PPFIBP1: variants seen among roughly 807,000 people sequenced by gnomAD.
PPFIBP1 encodes the protein PPFIB scaffold protein 1.
In PPFIBP1, 112 loss-of-function variants were observed where a neutral mutation model predicts 137.8. The ratio of observed to expected loss-of-function variants is 0.81; its 90% CI spans 0.70 to 0.95. The LOEUF (loss-of-function observed/expected upper bound fraction) is 0.95. PPFIBP1 is among the 40% of genes least tolerant of loss of function. The pLI, the probability that PPFIBP1 is intolerant of heterozygous loss-of-function variation, is 0.00. For synonymous variants in PPFIBP1, 378 were observed against 417.3 expected (o/e 0.91, Z 1.15); for missense variants, 1,083 against 1,196.6 (o/e 0.91, Z 1.40).
intron 16 of PPFIBP1, 103 bp downstream of exon 16, chr12:27,673,930 G>T: frequency 9.6e-7 from 1 of 1,044,408 alleles, no homozygotes; most frequent in Non-Finnish European, 1.4e-6. Flanking sequence ...CTTATGAAGA[G>T]CTTGTGGTTT....
chr12:27,685,934 A>T (rs1296426925), intron 24 of PPFIBP1, among the ~76,000 whole-genome samples: 1 of 152,234 alleles, frequency 6.6e-6, no homozygotes, highest in Non-Finnish European at 1.5e-5. Flanking sequence ...TTTTGATATA[A>T]AATAAAACTT....
chr12:27,685,217 G>A (rs1430794083), intron 24 of PPFIBP1, among the ~76,000 whole-genome samples: 2 of 149,824 alleles, frequency 1.3e-5, no homozygotes, highest in Non-Finnish European at 3.0e-5. Context: ...CATAGAGTAT[G>A]TATATATATA....
chr12:27,691,595 A>T (rs191655219), intron 27 of PPFIBP1, among the ~76,000 whole-genome samples, 154 bp from the exon 28 acceptor site: 5 of 152,304 alleles, frequency 3.3e-5, no homozygotes, highest in African/African-American at 9.6e-5. Context: ...ATATTTAAAC[A>T]TCCAGCTACT....
chr12:27,679,725 C>G, intron 20 of PPFIBP1, 86 bp downstream of exon 20: 2 of 1,461,022 alleles, frequency 1.4e-6, no homozygotes, highest in South Asian at 1.3e-5. Flanking sequence ...CTTTGTAAGG[C>G]CTTTGTATTC....
intron 24 of PPFIBP1, among the ~76,000 whole-genome samples, chr12:27,684,881 C>T (rs761881725): frequency 2.5e-4 from 38 of 152,086 alleles, no homozygotes; most frequent in South Asian, 2.1e-4. Flanking sequence ...TAACATCTTA[C>T]GTAATCATGA....
chr12:27,610,288 A>G (rs1408365179), intron 2 of PPFIBP1, among the ~76,000 whole-genome samples: 1 of 152,220 alleles, frequency 6.6e-6, no homozygotes, highest in African/African-American at 2.4e-5. Flanking sequence ...ATGAGGCTGT[A>G]AAAGTTGTTC....
In PPFIBP1 at chr12:27,679,686, G is replaced by C. The variant is rs201629950; in HGVS notation, c.1766+47G>C. ...TGGAATGGGCCCTGTCTTACATGTT[G>C]CTTAAAAGTGGCTGGACATGGGTAT... On this transcript the variant is annotated intron_variant, in intron 20 of 29. Transcript: ENST00000228425. 172 of 1,587,608 alleles carry C rather than the reference G, an allele frequency of 1.1e-4. No homozygotes were observed. The Admixed American group carries it at 2.9e-3, about 27-fold the overall frequency.
chr12:27,648,526 A>G (rs1415110819), intron 6 of PPFIBP1, among the ~76,000 whole-genome samples: 1 of 152,260 alleles, frequency 6.6e-6, no homozygotes, highest in East Asian at 1.9e-4. Context: ...GGAAATCAGT[A>G]TATCGAAGAA....
intron 2 of PPFIBP1, among the ~76,000 whole-genome samples, chr12:27,629,454 G>A (rs7978311): frequency 2.0e-5 from 3 of 152,056 alleles, no homozygotes; most frequent in Admixed American, 1.3e-4. Flanking sequence ...ACCTTCTATC[G>A]TAGGTTACCT....
chr12:27,635,903 A>G (rs1026968072), intron 4 of PPFIBP1: 4 of 152,224 alleles, frequency 2.6e-5, no homozygotes, highest in Non-Finnish European at 5.9e-5. Context: ...TGTCACAAAA[A>G]CAGATTCAGT....
At position 27,589,697 on chromosome 12, in the gene PPFIBP1, C is replaced by T. The variant is rs1290111861; in HGVS notation, c.-36+11458C>T. Among the ~76,000 whole-genome samples the T allele has an allele frequency of 3.9e-5, 6 of 152,162 alleles. No homozygotes were observed. In the East Asian group the frequency reaches 9.6e-4, roughly 24 times the overall value. On this transcript the variant is annotated intron_variant, in intron 2 of 29. Transcript: ENST00000228425. ...TTACTAAAGAACAGTGCATCTTATTCAGTGTAGACAGTCTTCTAAAGTATT... is the reference window on the plus strand; with the variant it reads ...TTACTAAAGAACAGTGCATCTTATTTAGTGTAGACAGTCTTCTAAAGTATT...
At chr12:27,525,210 C>A (rs1425007588) in intron 1 of PPFIBP1, among the ~76,000 whole-genome samples, 1 of 152,108 alleles carries the variant, frequency 6.6e-6, no homozygotes, top group Non-Finnish European at 1.5e-5. Context: ...CAAAACAAAT[C>A]CTTGCTTTCA....
intron 2 of PPFIBP1, among the ~76,000 whole-genome samples, chr12:27,602,283 T>C (rs973971273): frequency 1.3e-5 from 2 of 152,224 alleles, no homozygotes; most frequent in Non-Finnish European, 2.9e-5. Flanking sequence ...CCCAGCTTTA[T>C]TGAGGCATAA....
At position 27,635,279 on chromosome 12, in the gene PPFIBP1, T is replaced by A. The variant is rs532472362; in HGVS notation, c.270+164T>A. On this transcript the variant is annotated intron_variant, in intron 4 of 29. Coordinates refer to ENST00000228425, the MANE Select transcript of PPFIBP1 (RefSeq NM_003622.4). ...TTTTCTTTTGACTCTAAGGATAACT[T>A]TTTAAAAAGTGCTATTAGTGTACAT... 11 of 681,946 alleles carry A rather than the reference T, an allele frequency of 1.6e-5. No individual in the cohort carries two copies. In the South Asian group the frequency reaches 1.9e-4, roughly 12 times the overall value. The allele number at this position is 681,946 out of a possible 1,614,324, so 42.2% of individuals were successfully genotyped here.
Position 27,687,643 on chromosome 12 carries a change from T to G in PPFIBP1, c.2370+136T>G, listed in dbSNP as rs1593393253. 1.4e-5 allele frequency: 14 copies of G among 1,022,810 alleles called. No individual in the cohort carries two copies. In the East Asian group the frequency reaches 3.6e-4, roughly 26 times the overall value. The allele number at this position is 1,022,810 out of a possible 1,614,324, so 63.4% of individuals were successfully genotyped here. A position where few individuals can be genotyped will look rare whatever the true frequency, so the allele number is the denominator to read the frequency against. ...TCCAGCCTCATTTACTTCTTAGGCT[T>G]TTTCTGTATTCCTTCCTTTTCTCTC... On this transcript the variant is annotated intron_variant, in intron 25 of 29. Coordinates refer to ENST00000228425, the MANE Select transcript of PPFIBP1 (RefSeq NM_003622.4).
chr12:27,567,969 C>A (rs1433531046), intron 1 of PPFIBP1, among the ~76,000 whole-genome samples: 1 of 152,168 alleles, frequency 6.6e-6, no homozygotes, highest in Non-Finnish European at 1.5e-5. Flanking sequence ...TGGGCTCAAG[C>A]AATCCTCCTG....
intron 1 of PPFIBP1, among the ~76,000 whole-genome samples, chr12:27,567,839 C>T (rs928294093): frequency 5.3e-5 from 8 of 152,086 alleles, no homozygotes; most frequent in South Asian, 2.1e-4. Flanking sequence ...TAGATATTGT[C>T]GGGACACTGA....
At chr12:27,594,364 G>A (rs182363372) in intron 2 of PPFIBP1, among the ~76,000 whole-genome samples, 2 of 152,068 alleles carry the variant, frequency 1.3e-5, no homozygotes, top group South Asian at 4.1e-4. Flanking sequence ...TTTTAGTGGA[G>A]ATGGGGTTTC....
chr12:27,598,538 CTGTGTGTGTGTGTG>C (rs71039825), intron 2 of PPFIBP1, among the ~76,000 whole-genome samples: 23,017 of 150,620 alleles, frequency 0.15, 1,806 homozygotes, highest in Middle Eastern at 0.2. Flanking sequence ...TCTCTATAAT[CTGTGTGTGTGTGTG>C]TGTGTGTGTG....
Sources: gnomAD v4.1 joint callset for allele counts (sites outside exome capture counted in the v4.1 genomes callset) on GRCh38, gnomAD v4.1.1 for gene constraint, MANE v1.5 for transcripts, NCBI Gene and HGNC (gene_info 2026-07-23, HGNC 2026-07-21) for gene names.